The following HDAC7 variants were observed in gnomAD, a reference collection of about 807,000 sequenced individuals.
HDAC7 encodes histone deacetylase 7.
A neutral mutation model predicts 115.5 loss-of-function variants in HDAC7; 26 were observed. The observed-to-expected ratio is 0.23, with a 90% CI of 0.16 to 0.31. HDAC7 has a LOEUF of 0.31. Among genes scored for constraint, HDAC7 ranks in the 10% least tolerant of loss-of-function variants. The probability of loss-of-function intolerance (pLI) is 1.00; values close to 1 mark genes in which losing one functional copy is unlikely to be tolerated. For missense variants in HDAC7, 1,068 were observed against 1,329.0 expected, an observed-to-expected ratio of 0.80 and a Z score of 3.05; for synonymous variants, 564 against 550.9, an observed-to-expected ratio of 1.02 and a Z score of -0.33.
chr12:47,786,744 G>C (rs1592629306), intron 21 of HDAC7, 41 bp from the exon 22 acceptor site: 3 of 1,534,294 alleles, frequency 2.0e-6, no homozygotes, highest in Non-Finnish European at 9.0e-7. Context: ...TACTGTGCAG[G>C]GTTGCCAGGG....
rs1237350511 is a variant in HDAC7, at chr12:47,798,102, T to C, written c.461+6A>G. ...GGGACAGGAGGGCAGGTGAGGAGGGTGTTACCTGTAGGGAATGCCGGGGCT... is the reference window on the plus strand; with the variant it reads ...GGGACAGGAGGGCAGGTGAGGAGGGCGTTACCTGTAGGGAATGCCGGGGCT... On this transcript the variant is annotated splice_donor_region_variant and intron_variant, in intron 5 of 25. Transcript: ENST00000080059. This position sits in a 1 kb window ranked among gnomAD's most constrained non-coding sequence, Gnocchi z 4.3. 6.2e-7 allele frequency: 1 copy of C among 1,602,596 alleles called. No individual in the cohort carries two copies. Among genetic ancestry groups the C allele is most frequent in the Non-Finnish European group, 8.5e-7 (1 of 1,170,794 alleles).
At chr12:47,813,919 GGGA>G in intron 1 of HDAC7, among the ~76,000 whole-genome samples, 1 of 152,232 alleles carries the variant, frequency 6.6e-6, no homozygotes, top group Non-Finnish European at 1.5e-5. Context: ...AAACCTTCCT[GGGA>G]GAAGAGGTTG....
chr12:47,785,520 C>G (rs1417687304), intron 23 of HDAC7, 49 bp from the exon 24 acceptor site: 1 of 1,543,608 alleles, frequency 6.5e-7, no homozygotes, highest in Non-Finnish European at 8.8e-7. Flanking sequence ...ACCCACAGGC[C>G]CAGCTCACTC....
intron 23 of HDAC7, 72 bp downstream of exon 23, chr12:47,785,680 C>A: frequency 6.6e-7 from 1 of 1,515,260 alleles, no homozygotes; most frequent in Non-Finnish European, 8.9e-7. Context: ...CATCTGCCTG[C>A]TCCTTGGGTA....
chr12:47,785,745 G>T lies in HDAC7; in HGVS notation c.2706+7C>A. ...AGAAGCATGGATGGGGGAGGGAGAC[G>T]GCTCACCCTGTTACCCAGAAGAGCA... is the stretch of plus-strand genomic sequence containing the variant. On this transcript the variant is annotated splice_region_variant and intron_variant, in intron 23 of 25. Coordinates refer to ENST00000080059, the MANE Select transcript of HDAC7 (RefSeq NM_015401.5). 6.2e-7 allele frequency: 1 copy of T among 1,602,024 alleles called. No individual in the cohort carries two copies. The highest frequency in any genetic ancestry group is 2.3e-5 in the East Asian group (1 of 44,434).
chr12:47,802,270 C>T lies in HDAC7; in HGVS notation c.24G>A (p.Gly8=), dbSNP rs1310629044. The change falls in exon 2 of 26, where the codon GGG becomes GGA. Residue 8 remains glycine (G), a synonymous_variant. Coordinates refer to ENST00000080059, the MANE Select transcript of HDAC7 (RefSeq NM_015401.5). ...AGTGGGCACCCGGGCTCACCTGGGT[C>T]CCATCTGTAGAGAGAGAGACGGAGT... MHSPGAD[G]TQVSPGAHYC... is the part of the protein sequence containing the mutation. The T allele has an allele frequency of 5.0e-6, 8 of 1,613,978 alleles. No individual in the cohort carries two copies. The highest frequency in any genetic ancestry group is 6.8e-6 in the Non-Finnish European group (8 of 1,179,922).
At chr12:47,792,846 TAACTA>T in intron 13 of HDAC7, 1 of 373,318 alleles carries the variant, frequency 2.7e-6, no homozygotes, top group South Asian at 2.0e-5. Flanking sequence ...CATAATATGT[TAACTA>T]AGTAAAGCAG....
In HDAC7 at chr12:47,784,181, C is replaced by G; in HGVS notation, c.2828G>C (p.Cys943Ser). ...CACTCTAGGCACCCAGGAGTCTGGA[C>G]AGGAGGCCAGGCGCTGCATGCAGCC... The part of the protein sequence containing the change: ...YWGCMQRLAS[C>S]PDSWVPRVPG... Residue 943 changes from cysteine to serine, a missense_variant, in exon 25 of 26, where the codon TGT becomes TCT. Physicochemically the swap from Cys to Ser is moderately radical, Grantham distance 112. Transcript: ENST00000080059. The G allele has an allele frequency of 6.2e-7, 1 of 1,613,084 alleles. No homozygotes were observed. The highest frequency in any genetic ancestry group is 8.5e-7 in the Non-Finnish European group (1 of 1,179,614).
At chr12:47,819,043 T>A (rs988176847) in intron 1 of HDAC7, 1 of 152,346 alleles carries the variant, frequency 6.6e-6, no homozygotes, top group South Asian at 2.1e-4. Context: ...GGGGTGCACA[T>A]CCTGTCCCCC....
chr12:47,787,685 G>A, intron 21 of HDAC7, 27 bp downstream of exon 21: 1 of 1,524,902 alleles, frequency 6.6e-7, no homozygotes, highest in Non-Finnish European at 9.0e-7. Flanking sequence ...GGGTGGACTT[G>A]CCCCTCTGGG....
rs777047330 is a variant in HDAC7, at chr12:47,794,799, A to G, written c.1419T>C (p.Pro473=). 33 of 1,611,234 alleles carry G rather than the reference A, an allele frequency of 2.0e-5. No individual in the cohort carries two copies. The highest frequency in any genetic ancestry group is 2.7e-5 in the Non-Finnish European group (32 of 1,179,128). The change falls in exon 12 of 26, where the codon CCT becomes CCC. Residue 473 remains proline (P), a synonymous_variant. Coordinates refer to ENST00000080059, the MANE Select transcript of HDAC7 (RefSeq NM_015401.5). ...GGAGAGGAGCGGGGCCTCTGGCCTC[A>G]GGCTGCCCATGGCCCAGCTCCCTGT... ...LEHRELGHGQ[P]EARGPAPLQQ...
rs1031555236 is a variant in HDAC7, at chr12:47,789,282, G to T, written c.2214C>A (p.Ser738Arg). Residue 738 changes from serine to arginine, a missense_variant, in exon 19 of 26, where the codon AGC (serine) becomes AGA (arginine). Ser to Arg is a moderately radical substitution (Grantham distance 110, BLOSUM62 -1). Around this residue, in one of 6 missense-constraint regions of HDAC7, gnomAD observed 182 missense variants for 301.1 expected, o/e 0.60. Coordinates refer to ENST00000080059, the MANE Select transcript of HDAC7 (RefSeq NM_015401.5). Reference sequence around the variant, plus strand: ...CTACCCAGTCTACAATGAGGATCTTGCTGGCCTTGCTCTGCTGTTGCAGCT... The same window carrying T: ...CTACCCAGTCTACAATGAGGATCTTTCTGGCCTTGCTCTGCTGTTGCAGCT... ...CRQLQQQSKA[S>R]KILIVDWDVH... is the part of the protein sequence containing the mutation. 5.0e-6 allele frequency: 8 copies of T among 1,613,940 alleles called. No individual in the cohort carries two copies. The highest frequency in any genetic ancestry group is 1.3e-5 in the African/African-American group (1 of 75,056).
At chr12:47,789,746 G>A (rs1565797563) in intron 17 of HDAC7, 67 bp downstream of exon 17, 1 of 1,408,262 alleles carries the variant, frequency 7.1e-7, no homozygotes, top group East Asian at 2.3e-5. Context: ...TTCTGGGCCT[G>A]GATTCCCCAC....
intron 25 of HDAC7, 82 bp from the exon 26 acceptor site, chr12:47,783,968 C>G (rs1592619966): frequency 3.1e-6 from 5 of 1,602,764 alleles, no homozygotes; most frequent in African/African-American, 1.3e-5. Context: ...CAACCCTGGT[C>G]AGGAAGCCTG....
At chr12:47,810,696 G>A (rs1161605566) in intron 1 of HDAC7, among the ~76,000 whole-genome samples, 1 of 152,196 alleles carries the variant, frequency 6.6e-6, no homozygotes, top group African/African-American at 2.4e-5. Context: ...CAAACGCTGC[G>A]TGAGCTCTCT....
At chr12:47,786,537 C>A in intron 22 of HDAC7, 48 bp downstream of exon 22, 1 of 1,381,278 alleles carries the variant, frequency 7.2e-7, no homozygotes, top group South Asian at 1.2e-5. Context: ...CTCCCCGCAC[C>A]GCCTGGCTCT....
rs1018365012 is a variant in HDAC7, at chr12:47,795,245, G to A, written c.1223C>T (p.Pro408Leu). Residue 408 changes from proline (P) to leucine (L), a missense_variant, in exon 11 of 26, where the codon CCA (proline) becomes CTA (leucine). Pro to Leu is a moderately conservative substitution (Grantham distance 98). This residue lies in a region of HDAC7 where 618 missense variants were observed against 701.5 expected (regional missense o/e 0.88). Transcript: ENST00000080059. This position sits in a 1 kb window ranked among gnomAD's most constrained non-coding sequence, Gnocchi z 4.3. The stretch of plus-strand genomic sequence containing the variant: ...GCGGGGCTGCATGGGGCCCGGCGGT[G>A]GGGGAGCGGTGGCACTGGGGGGCAG... ...EPLPPSATAP[P>L]PPGPMQPRLE... is the part of the protein sequence containing the mutation. 5 of 1,612,286 alleles carry A rather than the reference G, an allele frequency of 3.1e-6. No homozygotes were observed. The highest frequency in any genetic ancestry group is 3.4e-6 in the Non-Finnish European group (4 of 1,178,852).
chr12:47,795,378 G>A lies in HDAC7; in HGVS notation c.1090C>T (p.Pro364Ser), dbSNP rs1375386921. ...TGGAAGGGCAAGGGCCCAAGCCCGG[G>A]CACTGGAAAGAATCGGGGGGTGGAA... The part of the protein sequence containing the change: ...SGSHAPLLTV[P>S]GLGPLPFHFA... The change falls in exon 11 of 26, where the codon CCC becomes TCC. Residue 364 changes from proline (P) to serine (S), a missense_variant and splice_region_variant. Coordinates refer to ENST00000080059, the MANE Select transcript of HDAC7 (RefSeq NM_015401.5). The surrounding 1 kb of genome is among the most constrained non-coding windows in gnomAD (Gnocchi z 4.3). The A allele has an allele frequency of 1.9e-6, 3 of 1,591,212 alleles. No individual in the cohort carries two copies. In the Admixed American group the frequency reaches 5.3e-5, roughly 28 times the overall value.
chr12:47,791,051 T>C, intron 16 of HDAC7: 1 of 614,526 alleles, frequency 1.6e-6, no homozygotes, highest in Non-Finnish European at 2.9e-6. Context: ...TAGGCTGGAC[T>C]CCGCATTCGG....
Sources: allele counts gnomAD v4.1 joint callset (sites outside exome capture counted in the v4.1 genomes callset), GRCh38; gene constraint gnomAD v4.1.1; regional missense constraint gnomAD v4.1.1; non-coding constraint Gnocchi (gnomAD v3.1); transcripts MANE v1.5; gene names NCBI Gene and HGNC (gene_info 2026-07-23, HGNC 2026-07-21).